DNAAF5: variants seen among roughly 807,000 people sequenced by gnomAD.
DNAAF5 encodes the protein HEAT repeat containing 2.
Under a neutral mutation model 75.8 loss-of-function variants are expected in DNAAF5, and 64 were observed. That is an observed-to-expected ratio of 0.84 (90% CI 0.69 to 1.04). DNAAF5 has a LOEUF of 1.04. DNAAF5 is among the 50% of genes least tolerant of loss of function. The pLI is 0.00. For synonymous variants in DNAAF5, 657 were observed against 557.2 expected (o/e 1.18, Z -2.52); for missense variants, 1,269 against 1,178.5 (o/e 1.08, Z -1.12).
At position 729,530 on chromosome 7, in the gene DNAAF5, C is replaced by G. The variant is rs1354580755; in HGVS notation, c.596-133C>G. 3 of 783,902 alleles carry G rather than the reference C, an allele frequency of 3.8e-6. No homozygotes were observed. In the African/African-American group the frequency reaches 5.2e-5, roughly 14 times the overall value. The allele number at this position is 783,902 out of a possible 1,614,324, so 48.6% of individuals were successfully genotyped here. ...CAGCCTGGATTGTGTACTGTTCATG[C>G]AGCAAGGACCTGGCGTAGGAGAGGA... On this transcript the variant is annotated intron_variant, in intron 1 of 12. Transcript: ENST00000297440.
chr7:777,872 G>T (rs1206686429), intron 11 of DNAAF5, among the ~76,000 whole-genome samples: 1 of 152,166 alleles, frequency 6.6e-6, no homozygotes, highest in Non-Finnish European at 1.5e-5. Flanking sequence ...GACGGGGAGG[G>T]ACGCGGGGCC....
chr7:749,205 G>A (rs1562383607), intron 4 of DNAAF5, among the ~76,000 whole-genome samples: 2 of 152,194 alleles, frequency 1.3e-5, no homozygotes, highest in South Asian at 4.1e-4. Context: ...GGAAGCACAC[G>A]TTCACGCCTG....
intron 6 of DNAAF5, among the ~76,000 whole-genome samples, chr7:761,386 G>T (rs571786325): frequency 2.0e-5 from 3 of 152,184 alleles, no homozygotes; most frequent in African/African-American, 4.8e-5. Flanking sequence ...TTCTCATGTC[G>T]CTAATAAAGA....
At chr7:751,739 A>T (rs1299645612) in intron 4 of DNAAF5, among the ~76,000 whole-genome samples, 2 of 151,316 alleles carry the variant, frequency 1.3e-5, no homozygotes, top group Non-Finnish European at 2.9e-5. Flanking sequence ...CGACCGGCTT[A>T]TTTTTTCTAT....
At chr7:780,202 G>A in intron 12 of DNAAF5, 58 bp downstream of exon 12, 1 of 1,518,864 alleles carries the variant, frequency 6.6e-7, no homozygotes, top group Non-Finnish European at 9.0e-7. Flanking sequence ...CCTGCCACGG[G>A]CATCTGTAGC....
In DNAAF5 at chr7:727,168, G is replaced by C. The variant is rs1462634117; in HGVS notation, c.448G>C (p.Gly150Arg). The C allele has an allele frequency of 5.1e-5, 67 of 1,315,836 alleles. No individual in the cohort carries two copies. Among genetic ancestry groups the C allele is most frequent in the Non-Finnish European group, 6.1e-5 (63 of 1,027,906 alleles). 81.5% of individuals were successfully genotyped at this position (1,315,836 alleles called of 1,614,324 possible). A position where few individuals can be genotyped will look rare whatever the true frequency, so the allele number is the denominator to read the frequency against. Residue 150 changes from glycine to arginine, a missense_variant, in exon 1 of 13, where the codon GGC becomes CGC. Physicochemically the swap from Gly to Arg is moderately radical, Grantham distance 125. Transcript: ENST00000297440. The part of the protein sequence containing the change: ...ELRLALVQLL[G>R]LAVDLCGAAL... ...GCGCCTGGCGCTTGTGCAGCTGCTG[G>C]GCCTGGCCGTGGACCTGTGCGGCGC... is the stretch of plus-strand genomic sequence containing the variant.
chr7:742,015 C>T (rs979991165), intron 4 of DNAAF5, among the ~76,000 whole-genome samples: 3 of 152,206 alleles, frequency 2.0e-5, no homozygotes, highest in African/African-American at 7.2e-5. Flanking sequence ...GGCCATGTTG[C>T]GGGCACCCAT....
intron 11 of DNAAF5, among the ~76,000 whole-genome samples, chr7:777,606 T>C (rs1778806470): frequency 6.6e-6 from 1 of 152,244 alleles, no homozygotes; most frequent in South Asian, 2.1e-4. Flanking sequence ...CAGGCGTTCC[T>C]GATTAGCTCT....
rs539761801 is a variant in DNAAF5, at chr7:777,043, T to C, written c.2239+1881T>C. Among the ~76,000 whole-genome samples, 8 of 152,220 alleles carry C rather than the reference T, an allele frequency of 5.3e-5. No homozygotes were observed. The South Asian group carries it at 1.7e-3, about 32-fold the overall frequency. On this transcript the variant is annotated intron_variant, in intron 11 of 12. Coordinates refer to ENST00000297440, the MANE Select transcript of DNAAF5 (RefSeq NM_017802.4). ...AAACTAATGCCTGATGATCCGTCAC[T>C]GTCTCCCATCGTCCCCACATGGGAC...
intron 4 of DNAAF5, chr7:750,751 C>T (rs1327259920): frequency 1.2e-5 from 2 of 161,906 alleles, no homozygotes; most frequent in East Asian, 3.8e-4. Context: ...CAGCACCGGC[C>T]AGTATTTCTT....
intron 4 of DNAAF5, among the ~76,000 whole-genome samples, chr7:753,574 A>T (rs540052751): frequency 6.8e-6 from 1 of 146,882 alleles, no homozygotes; most frequent in Admixed American, 7.0e-5. Flanking sequence ...TGTCTCTCTG[A>T]TCATATGGGG....
chr7:729,590 C>T, intron 1 of DNAAF5, 73 bp from the exon 2 acceptor site: 1 of 1,469,356 alleles, frequency 6.8e-7, no homozygotes, highest in Non-Finnish European at 9.3e-7. Flanking sequence ...GGCAGCCGTC[C>T]TCTGGAAGCC....
intron 4 of DNAAF5, among the ~76,000 whole-genome samples, chr7:749,185 C>A (rs1024025628): frequency 6.6e-6 from 1 of 152,196 alleles, no homozygotes; most frequent in Admixed American, 6.5e-5. Flanking sequence ...ACAGAGTGCC[C>A]TTCTCACACG....
chr7:783,752 G>C (rs1779057646), intron 12 of DNAAF5, among the ~76,000 whole-genome samples: 2 of 151,738 alleles, frequency 1.3e-5, no homozygotes, highest in African/African-American at 4.8e-5. Flanking sequence ...TCCCAGCCCT[G>C]CCTGCGCCCT....
chr7:780,251 AG>A, intron 12 of DNAAF5, 107 bp downstream of exon 12: 1 of 1,030,302 alleles, frequency 9.7e-7, no homozygotes, highest in South Asian at 1.6e-5. Flanking sequence ...GGGGCACAGG[AG>A]GGGCCTCAGC....
At chr7:772,555 C>T (rs1450083936) in intron 9 of DNAAF5, 2 of 152,204 alleles carry the variant, frequency 1.3e-5, no homozygotes, top group Admixed American at 1.3e-4. Flanking sequence ...GGAATGTGCT[C>T]GGGCAGGGAA....
In DNAAF5 at chr7:754,041, C is replaced by T. The variant is rs1274486112; in HGVS notation, c.1025-548C>T. Among the ~76,000 whole-genome samples the T allele has an allele frequency of 6.7e-6, 1 of 149,786 alleles. No individual in the cohort carries two copies. The highest frequency in any genetic ancestry group is 2.0e-4 in the East Asian group (1 of 5,044). On this transcript the variant is annotated intron_variant, in intron 4 of 12. Transcript: ENST00000297440. The surrounding 1 kb of genome is among the most constrained non-coding windows in gnomAD (Gnocchi z 4.8). ...ACGGCTTCGCAGGCGTGTCTCTCATCATATGGCGATGGCTTCGCAGGCGTG... is the reference window on the plus strand; with the variant it reads ...ACGGCTTCGCAGGCGTGTCTCTCATTATATGGCGATGGCTTCGCAGGCGTG...
intron 8 of DNAAF5, among the ~76,000 whole-genome samples, chr7:766,775 A>C (rs769147708): frequency 1.3e-5 from 2 of 152,106 alleles, no homozygotes; most frequent in Non-Finnish European, 2.9e-5. Flanking sequence ...GTACCACTGC[A>C]CTCCAGCCCG....
chr7:729,219 G>C (rs987796043), intron 1 of DNAAF5, among the ~76,000 whole-genome samples: 1 of 152,176 alleles, frequency 6.6e-6, no homozygotes, highest in African/African-American at 2.4e-5. Flanking sequence ...GAGTGGTGCT[G>C]GCCCAGCTTC....
Sources: gnomAD v4.1 joint callset for allele counts (sites outside exome capture counted in the v4.1 genomes callset) on GRCh38, gnomAD v4.1.1 for gene constraint, Gnocchi (gnomAD v3.1) non-coding constraint, MANE v1.5 for transcripts, NCBI Gene and HGNC (gene_info 2026-07-23, HGNC 2026-07-21) for gene names.